The following SIPA1L3 variants were observed in gnomAD, a reference collection of about 807,000 sequenced individuals.
The protein encoded by SIPA1L3 is signal-induced proliferation-associated 1-like protein 3.
Under a neutral mutation model 150.1 loss-of-function variants are expected in SIPA1L3, and 59 were observed. The observed-to-expected ratio is 0.39, with a 90% CI of 0.32 to 0.49. The LOEUF (loss-of-function observed/expected upper bound fraction) is 0.49. SIPA1L3 is among the 20% of genes least tolerant of loss of function. SIPA1L3 has a pLI of 0.86. For missense variants in SIPA1L3, 2,211 were observed against 2,489.5 expected, an observed-to-expected ratio of 0.89 and a Z score of 2.38; for synonymous variants, 1,070 against 1,077.6, an observed-to-expected ratio of 0.99 and a Z score of 0.14.
intron 12 of SIPA1L3, among the ~76,000 whole-genome samples, chr19:38,149,425 G>A (rs574499091): frequency 6.6e-6 from 1 of 152,164 alleles, no homozygotes; most frequent in Non-Finnish European, 1.5e-5. Flanking sequence ...GAAGTACATG[G>A]TTGGATAAAG....
At chr19:37,912,155 T>G (rs2046382333) in intron 1 of SIPA1L3, among the ~76,000 whole-genome samples, 1 of 151,854 alleles carries the variant, frequency 6.6e-6, no homozygotes, top group African/African-American at 2.4e-5. Flanking sequence ...GAGAATTGCT[T>G]GAACCAGGGA....
At chr19:38,152,595 C>G (rs1256637662) in intron 12 of SIPA1L3, among the ~76,000 whole-genome samples, 1 of 152,216 alleles carries the variant, frequency 6.6e-6, no homozygotes, top group Admixed American at 6.5e-5. Flanking sequence ...CCTTAGGAAC[C>G]CGCCTTGCCC....
intron 1 of SIPA1L3, among the ~76,000 whole-genome samples, chr19:37,983,439 C>A (rs1273399195): frequency 1.3e-5 from 2 of 152,212 alleles, no homozygotes; most frequent in Non-Finnish European, 2.9e-5. Flanking sequence ...AATGTTAAAG[C>A]ATCTGGCACA....
intron 1 of SIPA1L3, among the ~76,000 whole-genome samples, chr19:37,983,753 A>C (rs1967261441): frequency 6.6e-6 from 1 of 151,888 alleles, no homozygotes; most frequent in African/African-American, 2.4e-5. Flanking sequence ...AAAAAACACA[A>C]AAATTAGCTG....
At chr19:37,985,778 A>G (rs1385122163) in intron 1 of SIPA1L3, among the ~76,000 whole-genome samples, 1 of 152,030 alleles carries the variant, frequency 6.6e-6, no homozygotes, top group Non-Finnish European at 1.5e-5. Flanking sequence ...GCGTCTAGGA[A>G]GAGAGGTGGT....
At chr19:38,061,374 T>G (rs543233281) in intron 2 of SIPA1L3, among the ~76,000 whole-genome samples, 9 of 152,118 alleles carry the variant, frequency 5.9e-5, no homozygotes, top group Non-Finnish European at 1.3e-4. Flanking sequence ...TTTCTTTTTC[T>G]TTCTTTTGTT....
intron 1 of SIPA1L3, among the ~76,000 whole-genome samples, chr19:38,013,368 A>T (rs1306957086): frequency 6.6e-6 from 1 of 152,226 alleles, no homozygotes; most frequent in Non-Finnish European, 1.5e-5. Context: ...TTGCTGGAGG[A>T]CATGTGAATC....
intron 18 of SIPA1L3, among the ~76,000 whole-genome samples, chr19:38,196,773 G>A (rs1345230765): frequency 6.7e-6 from 1 of 150,356 alleles, no homozygotes; most frequent in Non-Finnish European, 1.5e-5. Context: ...AGGCCGAGGG[G>A]GGAGCAAGGA....
At chr19:38,091,828 C>T (rs549401380) in intron 4 of SIPA1L3, among the ~76,000 whole-genome samples, 2 of 151,894 alleles carry the variant, frequency 1.3e-5, no homozygotes, top group African/African-American at 4.8e-5. Flanking sequence ...GAGGCTGAGG[C>T]GGGTGGATCA....
intron 2 of SIPA1L3, among the ~76,000 whole-genome samples, chr19:38,039,922 C>T (rs921736723): frequency 2.0e-5 from 3 of 152,006 alleles, no homozygotes; most frequent in African/African-American, 7.2e-5. Context: ...TTGAGACCAG[C>T]CAGGGCAACA....
chr19:38,138,695 C>T (rs902085195), intron 10 of SIPA1L3, among the ~76,000 whole-genome samples: 1 of 151,954 alleles, frequency 6.6e-6, no homozygotes, highest in South Asian at 2.1e-4. Flanking sequence ...GTCAGGAGTT[C>T]GAGACCAGCC....
At chr19:38,146,061 G>A (rs186530327) in intron 12 of SIPA1L3, among the ~76,000 whole-genome samples, 2 of 152,084 alleles carry the variant, frequency 1.3e-5, no homozygotes, top group South Asian at 2.1e-4. Context: ...ACAAGGTCTC[G>A]CTGTGTTGCT....
chr19:38,024,292 G>A (rs1599919764), intron 1 of SIPA1L3, among the ~76,000 whole-genome samples: 2 of 152,268 alleles, frequency 1.3e-5, no homozygotes, highest in South Asian at 2.1e-4. Context: ...ACATGTAAGT[G>A]TTCTGAAATG....
At chr19:38,017,997 C>G (rs945060017) in intron 1 of SIPA1L3, among the ~76,000 whole-genome samples, 1 of 152,018 alleles carries the variant, frequency 6.6e-6, no homozygotes, top group South Asian at 2.1e-4. Context: ...TGAGGCACAC[C>G]CTCCCTTGCT....
intron 1 of SIPA1L3, among the ~76,000 whole-genome samples, chr19:38,012,568 C>T (rs833919): frequency 0.8 from 121,682 of 152,032 alleles, 49,443 homozygotes; most frequent in East Asian, 0.97. Flanking sequence ...ATCCACTACC[C>T]GAAGCATGTG....
chr19:38,045,922 A>C (rs1395509600), intron 2 of SIPA1L3, among the ~76,000 whole-genome samples: 1 of 152,150 alleles, frequency 6.6e-6, no homozygotes, highest in Non-Finnish European at 1.5e-5. Context: ...CCTGGGAGCC[A>C]CAGAAGGGTT....
At chr19:37,967,918 C>T (rs544176395) in intron 1 of SIPA1L3, among the ~76,000 whole-genome samples, 1 of 152,232 alleles carries the variant, frequency 6.6e-6, no homozygotes, top group South Asian at 2.1e-4. Flanking sequence ...CTCAGCCTCA[C>T]AAAGTGTTGG....
intron 8 of SIPA1L3, among the ~76,000 whole-genome samples, chr19:38,118,463 A>G (rs1398614867): frequency 1.3e-5 from 2 of 152,200 alleles, no homozygotes; most frequent in Non-Finnish European, 2.9e-5. Context: ...GAATAAGTGA[A>G]CAGTCCTTGG....
At chr19:38,192,374 G>T in intron 17 of SIPA1L3, 64 bp downstream of exon 17, 1 of 1,465,128 alleles carries the variant, frequency 6.8e-7, no homozygotes. Context: ...GATCTGGGCA[G>T]GCAAGGAGAA....
Sources: gnomAD v4.1 joint callset for allele counts (sites outside exome capture counted in the v4.1 genomes callset) on GRCh38, gnomAD v4.1.1 for gene constraint, MANE v1.5 for transcripts, NCBI Gene and HGNC (gene_info 2026-07-23, HGNC 2026-07-21) for gene names.